Variants in IFT81 observed in about 807,000 individuals in gnomAD.
IFT81 encodes the protein intraflagellar transport 81, also known as intraflagellar transport protein 81 homolog.
IFT81 carries 72 observed loss-of-function variants against 102.6 expected under a neutral mutation model. The ratio of observed to expected loss-of-function variants is 0.70; its 90% CI spans 0.58 to 0.85. The LOEUF (loss-of-function observed/expected upper bound fraction) is 0.85, where lower values mean the gene tolerates loss of function less well. Ranked by LOEUF, IFT81 falls within the 40% of genes least tolerant of loss-of-function variation. The pLI, the probability that IFT81 is intolerant of heterozygous loss-of-function variation, is 0.00. For missense variants in IFT81, 723 were observed against 787.3 expected (o/e 0.92, Z 0.98); for synonymous variants, 237 against 242.7 (o/e 0.98, Z 0.22).
chr12:110,149,724 G>A (rs886500277), intron 10 of IFT81, among the ~76,000 whole-genome samples: 3 of 152,108 alleles, frequency 2.0e-5, no homozygotes, highest in African/African-American at 4.8e-5. Context: ...ACTCTGCGTC[G>A]TTCTGCCAGT....
rs1318457583 is a variant in IFT81, at chr12:110,170,102, G to A, written c.1188+7037G>A. On this transcript the variant is annotated intron_variant, in intron 11 of 18. Transcript: ENST00000242591. ...CGAGTAGCTGGGACTACAGGTGCCCGCCACCATGCCCGGCTAATTTTTTTG... is the reference window on the plus strand; with the variant it reads ...CGAGTAGCTGGGACTACAGGTGCCCACCACCATGCCCGGCTAATTTTTTTG... 3.3e-5 allele frequency among the ~76,000 whole-genome samples: 5 copies of A among 151,678 alleles called. No homozygotes were observed. The East Asian group carries it at 5.9e-4, about 18-fold the overall frequency.
intron 11 of IFT81, among the ~76,000 whole-genome samples, chr12:110,174,382 G>A (rs1896948640): frequency 6.7e-6 from 1 of 149,990 alleles, no homozygotes; most frequent in African/African-American, 2.5e-5. Context: ...TTGAACCTGG[G>A]AGGCGGAGGT....
chr12:110,208,089 C>G (rs1868915869), intron 17 of IFT81, among the ~76,000 whole-genome samples: 1 of 152,072 alleles, frequency 6.6e-6, no homozygotes, highest in Non-Finnish European at 1.5e-5. Flanking sequence ...TACATTAAGC[C>G]ATATTCTTTT....
intron 11 of IFT81, chr12:110,171,775 G>A (rs1896744910): frequency 6.6e-6 from 1 of 152,210 alleles, no homozygotes; most frequent in African/African-American, 2.4e-5. Context: ...ATTGGAGCGT[G>A]ACATGATGGC....
intron 1 of IFT81, among the ~76,000 whole-genome samples, chr12:110,126,120 T>C (rs1405906315): frequency 2.0e-5 from 3 of 151,930 alleles, no homozygotes; most frequent in Admixed American, 6.5e-5. Context: ...CTACTAAAAA[T>C]ACAAAAAATT....
intron 12 of IFT81, 26 bp from the exon 13 acceptor site, chr12:110,190,894 G>T (rs1215699083): frequency 2.0e-6 from 3 of 1,476,104 alleles, no homozygotes; most frequent in East Asian, 5.1e-5. Flanking sequence ...GACATGTTTT[G>T]TGGCCTTTTT....
At chr12:110,217,547 T>C (rs1033416155) in intron 18 of IFT81, among the ~76,000 whole-genome samples, 1 of 152,066 alleles carries the variant, frequency 6.6e-6, no homozygotes, top group Non-Finnish European at 1.5e-5. Context: ...GTAGTTTTTT[T>C]TGTTTGTTTG....
intron 10 of IFT81, among the ~76,000 whole-genome samples, chr12:110,152,290 T>A (rs1042050331): frequency 6.6e-6 from 1 of 152,222 alleles, no homozygotes. Context: ...CAGAGTTCCC[T>A]TTTCTTCACA....
At chr12:110,161,888 A>C (rs539440955) in intron 10 of IFT81, among the ~76,000 whole-genome samples, 23 of 152,314 alleles carry the variant, frequency 1.5e-4, no homozygotes, top group African/African-American at 4.8e-4. Context: ...TCTCCTGTCA[A>C]ATTTCCTTGA....
intron 18 of IFT81, among the ~76,000 whole-genome samples, 156 bp from the exon 19 acceptor site, chr12:110,217,888 C>T (rs1175011668): frequency 1.3e-5 from 2 of 152,004 alleles, no homozygotes; most frequent in African/African-American, 4.8e-5. Context: ...CCTTAGTTAA[C>T]TTTTATAATC....
chr12:110,205,773 TTAAG>T (rs1868544810), intron 17 of IFT81, 93 bp downstream of exon 17: 3 of 753,350 alleles, frequency 4.0e-6, no homozygotes, highest in East Asian at 5.7e-5. Context: ...TTTAGCATAT[TTAAG>T]TAAGTAGACA....
chr12:110,179,975 C>T (rs1897250628), intron 11 of IFT81, among the ~76,000 whole-genome samples: 1 of 114,328 alleles, frequency 8.7e-6, no homozygotes, highest in Non-Finnish European at 1.9e-5. Flanking sequence ...TTGGTAAGTA[C>T]TATTTATTAT....
In IFT81 at chr12:110,205,761, A is replaced by C. The variant is rs1035447889; in HGVS notation, c.1802+81A>C. 4.6e-6 allele frequency: 4 copies of C among 860,432 alleles called. No individual in the cohort carries two copies. The African/African-American group carries it at 5.3e-5, about 11-fold the overall frequency. 53.3% of individuals were successfully genotyped at this position (860,432 alleles called of 1,614,324 possible). On this transcript the variant is annotated intron_variant, in intron 17 of 18. Coordinates refer to ENST00000242591, the MANE Select transcript of IFT81 (RefSeq NM_014055.4). ...TTTATAAATAAGATAGAATTATACA[A>C]ATTTAGCATATTTAAGTAAGTAGAC...
At chr12:110,183,482 C>T (rs1897392754) in intron 12 of IFT81, among the ~76,000 whole-genome samples, 1 of 152,186 alleles carries the variant, frequency 6.6e-6, no homozygotes, top group African/African-American at 2.4e-5. Flanking sequence ...CTATTTGGCT[C>T]ATACGTAACT....
rs112087056 is a variant in IFT81 at position 110,192,963 on chromosome 12, G to A, written c.1557+257G>A. ...GATGATCACTTGAGCCCAGGAATTC[G>A]AGACCAGCCTGTCTAACAACAAGAC... On this transcript the variant is annotated intron_variant, in intron 14 of 18. Transcript: ENST00000242591. Among the ~76,000 whole-genome samples the A allele has an allele frequency of 9.2e-5, 14 of 152,152 alleles. 1 individual carries two copies. The highest frequency in any genetic ancestry group is 3.1e-4 in the African/African-American group (13 of 41,520).
chr12:110,218,276 C>T lies in IFT81; in HGVS notation c.*50C>T. The T allele has an allele frequency of 7.6e-7, 1 of 1,323,026 alleles. No homozygotes were observed. The highest frequency in any genetic ancestry group is 1.7e-5 in the South Asian group (1 of 57,402). The allele number at this position is 1,323,026 out of a possible 1,614,324, so 82.0% of individuals were successfully genotyped here. ...TTACTTGATACCACTAGCTATAAGC[C>T]TAATCTCATAATGTATTTCTTTTTT... On this transcript the variant is annotated 3_prime_UTR_variant, in exon 19 of 19. Coordinates refer to ENST00000242591, the MANE Select transcript of IFT81 (RefSeq NM_014055.4).
intron 9 of IFT81, among the ~76,000 whole-genome samples, chr12:110,144,223 T>C (rs1486556756): frequency 6.6e-6 from 1 of 151,742 alleles, no homozygotes; most frequent in Non-Finnish European, 1.5e-5. Flanking sequence ...GTTTTGTTTT[T>C]TGTTTTTTTT....
chr12:110,135,915 A>G (rs1002201119), intron 7 of IFT81, among the ~76,000 whole-genome samples: 10 of 151,542 alleles, frequency 6.6e-5, no homozygotes, highest in Non-Finnish European at 1.2e-4. Flanking sequence ...CAACAATACC[A>G]CTTTTTGGGT....
In IFT81 at chr12:110,146,249, TCA is replaced by T. The variant is rs1471337928; in HGVS notation, c.946-703_946-702del. On this transcript the variant is annotated intron_variant, in intron 9 of 18. Coordinates refer to ENST00000242591, the MANE Select transcript of IFT81 (RefSeq NM_014055.4). ...AACTATATGCTTCTGTCAGATTTATTCAGTTTTATTACATTTTGGAAAGATTT... is the reference window on the plus strand; with the variant it reads ...AACTATATGCTTCTGTCAGATTTATTGTTTTATTACATTTTGGAAAGATTT... Among the ~76,000 whole-genome samples the T allele has an allele frequency of 2.0e-5, 3 of 152,226 alleles. No homozygotes were observed. In the East Asian group the frequency reaches 5.8e-4, roughly 29 times the overall value.
Sources: allele counts gnomAD v4.1 joint callset (sites outside exome capture counted in the v4.1 genomes callset), GRCh38; gene constraint gnomAD v4.1.1; transcripts MANE v1.5; gene names NCBI Gene and HGNC (gene_info 2026-07-23, HGNC 2026-07-21).